Variants in ABI3BP observed in about 807,000 individuals in gnomAD.
ABI3BP encodes target of Nesh-SH3.
In ABI3BP, 216 loss-of-function variants were observed where a neutral mutation model predicts 268.6. That is an observed-to-expected ratio of 0.80 (90% CI 0.72 to 0.90). The LOEUF (loss-of-function observed/expected upper bound fraction) is 0.90. ABI3BP is among the 40% of genes least tolerant of loss of function. The probability of loss-of-function intolerance (pLI) is 0.00; values close to 1 mark genes in which losing one functional copy is unlikely to be tolerated. For missense variants in ABI3BP, 2,090 were observed against 2,182.4 expected (o/e 0.96, Z 0.84); for synonymous variants, 730 against 730.0 (o/e 1.00, Z 0.00).
At chr3:100,771,125 C>T (rs568643609) in intron 61 of ABI3BP, among the ~76,000 whole-genome samples, 173 bp from the exon 62 acceptor site, 27 of 152,234 alleles carry the variant, frequency 1.8e-4, no homozygotes, top group Non-Finnish European at 2.9e-4. Flanking sequence ...CTCTGAGATA[C>T]GTGATATAGG....
Position 100,775,288 on chromosome 3 carries a change from G to A in ABI3BP, c.4381C>T (p.Pro1461Ser), listed in dbSNP as rs757243435. 1.4e-5 allele frequency: 23 copies of A among 1,609,496 alleles called. No individual in the cohort carries two copies. The Admixed American group carries it at 1.7e-4, about 12-fold the overall frequency. The change falls in exon 60 of 68, where the codon CCC (proline) becomes TCC (serine). Residue 1461 changes from proline (P) to serine (S), a missense_variant. Coordinates refer to ENST00000471714, the MANE Select transcript of ABI3BP (RefSeq NM_001375547.2). ...PITTPPLRSTPRPTGTPLERI... is the reference protein window; with the variant it reads ...PITTPPLRSTSRPTGTPLERI... ...TCCAAGGGAGTTCCAGTAGGCCTGG[G>A]TGTTGACCTCAGGGGTGGTGTAGTT...
intron 1 of ABI3BP, among the ~76,000 whole-genome samples, chr3:100,987,512 T>A (rs373005993): frequency 1.3e-5 from 2 of 152,244 alleles, no homozygotes; most frequent in African/African-American, 2.4e-5. Context: ...CCTCAGGTTC[T>A]AAATTTAGCA....
Position 100,824,857 on chromosome 3 carries a change from C to T in ABI3BP, c.2746+1G>A, listed in dbSNP as rs868204199. 6.5e-7 allele frequency: 1 copy of T among 1,535,074 alleles called. No homozygotes were observed. The highest frequency in any genetic ancestry group is 8.7e-7 in the Non-Finnish European group (1 of 1,145,982). ...CTTAAACCAAGGAATCACAGATTTA[C>T]CAGGTTTGGTCTCAGGTGCCTGAGG... is the stretch of plus-strand genomic sequence containing the variant. On this transcript the variant is annotated splice_donor_variant, in intron 36 of 67. Coordinates refer to ENST00000471714, the MANE Select transcript of ABI3BP (RefSeq NM_001375547.2). LOFTEE classifies it high-confidence loss of function.
chr3:100,891,580 G>C (rs1194543820), intron 4 of ABI3BP, among the ~76,000 whole-genome samples: 1 of 152,186 alleles, frequency 6.6e-6, no homozygotes, highest in Non-Finnish European at 1.5e-5. Context: ...ATAGAGCAGA[G>C]TTTTGAACTC....
At chr3:100,761,911 G>C (rs2095979099) in intron 63 of ABI3BP, among the ~76,000 whole-genome samples, 1 of 152,110 alleles carries the variant, frequency 6.6e-6, no homozygotes, top group Non-Finnish European at 1.5e-5. Context: ...TCCTAGTGTT[G>C]GAACACTGCT....
At chr3:100,825,875 T>TA in intron 34 of ABI3BP, 31 bp from the exon 35 acceptor site, 5 of 1,473,482 alleles carry the variant, frequency 3.4e-6, no homozygotes, top group Non-Finnish European at 3.7e-6. Context: ...AAAGAGATGG[T>TA]AAAAAATGTG....
intron 61 of ABI3BP, 21 bp from the exon 62 acceptor site, chr3:100,770,973 G>C (rs2096528787): frequency 6.7e-7 from 1 of 1,486,832 alleles, no homozygotes; most frequent in Middle Eastern, 1.8e-4. Context: ...GAGGACCCTT[G>C]ACATTTAACA....
chr3:100,969,451 G>T (rs1010905811), intron 1 of ABI3BP, among the ~76,000 whole-genome samples: 1 of 152,148 alleles, frequency 6.6e-6, no homozygotes, highest in Non-Finnish European at 1.5e-5. Context: ...AGTACTAAAG[G>T]GATGGGCTCG....
intron 20 of ABI3BP, chr3:100,843,523 G>A: frequency 1.1e-6 from 1 of 907,284 alleles, no homozygotes; most frequent in Non-Finnish European, 1.3e-6. Context: ...GAGAGGATGT[G>A]TGTGTGTGTG....
intron 23 of ABI3BP, 98 bp from the exon 24 acceptor site, chr3:100,839,714 C>T (rs2098662984): frequency 9.4e-6 from 12 of 1,277,136 alleles, no homozygotes; most frequent in Non-Finnish European, 1.3e-5. Flanking sequence ...CTAAATGATG[C>T]ATTTTTTCTG....
At chr3:100,983,170 C>A (rs2090389669) in intron 1 of ABI3BP, among the ~76,000 whole-genome samples, 1 of 152,180 alleles carries the variant, frequency 6.6e-6, no homozygotes, top group South Asian at 2.1e-4. Flanking sequence ...ACCTTGTAAG[C>A]AAAGCGCCCC....
intron 55 of ABI3BP, among the ~76,000 whole-genome samples, chr3:100,792,465 A>G (rs897444849): frequency 1.3e-5 from 2 of 151,846 alleles, no homozygotes; most frequent in Non-Finnish European, 1.5e-5. Context: ...TCAAGTAGTC[A>G]ACAATACATT....
intron 1 of ABI3BP, among the ~76,000 whole-genome samples, chr3:100,975,396 A>T (rs1197230539): frequency 6.6e-6 from 1 of 152,118 alleles, no homozygotes; most frequent in East Asian, 1.9e-4. Context: ...GCTGTGATCT[A>T]GCTGCCTTGG....
intron 63 of ABI3BP, among the ~76,000 whole-genome samples, chr3:100,763,356 T>C (rs2096079434): frequency 6.6e-6 from 1 of 150,588 alleles, no homozygotes; most frequent in African/African-American, 2.4e-5. Flanking sequence ...CCAGCTACTT[T>C]GGAGGCTCAG....
At chr3:100,809,677 CAG>C (rs1379176309) in intron 49 of ABI3BP, among the ~76,000 whole-genome samples, 2 of 152,000 alleles carry the variant, frequency 1.3e-5, no homozygotes, top group Non-Finnish European at 1.5e-5. Flanking sequence ...CCCTTGGAAA[CAG>C]AGTCATATAA....
intron 1 of ABI3BP, 66 bp from the exon 2 acceptor site, chr3:100,926,547 C>G: frequency 6.8e-7 from 1 of 1,461,018 alleles, no homozygotes; most frequent in Non-Finnish European, 9.5e-7. Flanking sequence ...CCCAACTTCC[C>G]AGCAAGTGTT....
rs1408631163 is a variant in ABI3BP, at chr3:100,787,775, G to C, written c.4115C>G (p.Thr1372Ser). Residue 1372 changes from threonine to serine, a missense_variant, in exon 57 of 68, where the codon ACT becomes AGT. Transcript: ENST00000471714. ...GGGCATCCCACTGGGTTTGGGCCTAGTAGGTCTTGTAGTTGTCCTATTCAG... is the reference window on the plus strand; with the variant it reads ...GGGCATCCCACTGGGTTTGGGCCTACTAGGTCTTGTAGTTGTCCTATTCAG... ...PVLNRTTTRP[T>S]RPKPSGMPSG... The C allele has an allele frequency of 6.5e-7, 1 of 1,531,600 alleles. No homozygotes were observed. Among genetic ancestry groups the C allele is most frequent in the Non-Finnish European group, 8.7e-7 (1 of 1,144,598 alleles). The allele number at this position is 1,531,600 out of a possible 1,614,324, so 94.9% of individuals were successfully genotyped here.
chr3:100,988,291 GTGTA>G (rs1215090738), intron 1 of ABI3BP, among the ~76,000 whole-genome samples: 5 of 152,172 alleles, frequency 3.3e-5, no homozygotes, highest in Non-Finnish European at 2.9e-5. Context: ...ACAGAGCAAG[GTGTA>G]AGAGCCTTCC....
chr3:100,970,748 C>T (rs2083255626), intron 1 of ABI3BP, among the ~76,000 whole-genome samples: 3 of 152,182 alleles, frequency 2.0e-5, no homozygotes, highest in South Asian at 4.1e-4. Flanking sequence ...TGAAAGTTTT[C>T]TTCTGTCTTT....
Sources: gnomAD v4.1 joint callset for allele counts (sites outside exome capture counted in the v4.1 genomes callset) on GRCh38, gnomAD v4.1.1 for gene constraint, MANE v1.5 for transcripts, NCBI Gene and HGNC (gene_info 2026-07-23, HGNC 2026-07-21) for gene names.